Variants in TSBP1 observed in about 807,000 individuals in gnomAD.
The protein encoded by TSBP1 is testis expressed basic protein 1, also known as testis-expressed basic protein 1.
A neutral mutation model predicts 68.8 loss-of-function variants in TSBP1; 56 were observed. That is an observed-to-expected ratio of 0.81 (90% CI 0.66 to 1.02). The LOEUF (loss-of-function observed/expected upper bound fraction) is 1.02, where lower values mean the gene tolerates loss of function less well. Among genes scored for constraint, TSBP1 ranks in the 50% least tolerant of loss-of-function variants. The pLI, the probability that TSBP1 is intolerant of heterozygous loss-of-function variation, is 0.00. For missense variants in TSBP1, 502 were observed against 641.2 expected (o/e 0.78, Z 2.34); for synonymous variants, 171 against 208.7 (o/e 0.82, Z 1.56).
rs73396970 is a variant in TSBP1 at position 32,353,037 on chromosome 6, G to C, written c.259+2087C>G. 47 of 151,940 alleles carry C rather than the reference G, an allele frequency of 3.1e-4. 1 individual carries two copies. The highest frequency in any genetic ancestry group is 1.1e-3 in the African/African-American group (46 of 41,514). The allele number at this position is 151,940 out of a possible 1,614,324, so 9.4% of individuals were successfully genotyped here. Reference sequence around the variant, plus strand: ...GGAAATTGATTAAGAGTTTCATACAGCAAGCTAGAAAAAGGAACAAAAATA... The same window carrying C: ...GGAAATTGATTAAGAGTTTCATACACCAAGCTAGAAAAAGGAACAAAAATA... On this transcript the variant is annotated intron_variant, in intron 8 of 22. Transcript: ENST00000612031.
Position 32,357,841 on chromosome 6 carries a change from GT to G in TSBP1, c.218-2173del, listed in dbSNP as rs1378663518. The stretch of plus-strand genomic sequence containing the variant: ...GGCTTGGGTTTTAGACATGCTAAGA[GT>G]GAGATGCCTTTCATATATCTTCAGG... On this transcript the variant is annotated intron_variant, in intron 6 of 22. Coordinates refer to ENST00000612031, the Ensembl canonical transcript of TSBP1. This position sits in a 1 kb window ranked among gnomAD's most constrained non-coding sequence, Gnocchi z 4.7. Among the ~76,000 whole-genome samples, 2 of 86,102 alleles carry G rather than the reference GT, an allele frequency of 2.3e-5. No individual in the cohort carries two copies. Among genetic ancestry groups the G allele is most frequent in the Non-Finnish European group, 4.4e-5 (2 of 44,966 alleles). 56.5% of individuals were successfully genotyped at this position (86,102 alleles called of 152,430 possible).
At chr6:32,334,895 G>A (rs1265756) in intron 14 of TSBP1, among the ~76,000 whole-genome samples, 19,803 of 152,088 alleles carry the variant, frequency 0.13, 1,490 homozygotes, top group Non-Finnish European at 0.17. Flanking sequence ...TTAGCCGGGC[G>A]TGGTGGTGGG....
chr6:32,330,049 C>T (rs185816166), intron 16 of TSBP1, among the ~76,000 whole-genome samples: 39 of 152,220 alleles, frequency 2.6e-4, no homozygotes, highest in Admixed American at 2.1e-3. Context: ...TGTGCGCGCG[C>T]GCACGTGTGT....
Position 32,325,840 on chromosome 6 carries a change from G to C in TSBP1, c.515-2226C>G. On this transcript the variant is annotated intron_variant, in intron 16 of 22. Coordinates refer to ENST00000612031, the Ensembl canonical transcript of TSBP1. The surrounding 1 kb of genome is among the most constrained non-coding windows in gnomAD (Gnocchi z 4.4). ...AAACTTAGGTGGTGGTCATGGAGGTGGTTTCGGTGGGAATGACAACTTTGA... is the reference window on the plus strand; with the variant it reads ...AAACTTAGGTGGTGGTCATGGAGGTCGTTTCGGTGGGAATGACAACTTTGA... 1 of 1,352,376 alleles carries C rather than the reference G, an allele frequency of 7.4e-7. No homozygotes were observed. The highest frequency in any genetic ancestry group is 1.2e-5 in the South Asian group (1 of 85,750). 83.8% of individuals were successfully genotyped at this position (1,352,376 alleles called of 1,614,324 possible). A position where few individuals can be genotyped will look rare whatever the true frequency, so the allele number is the denominator to read the frequency against.
In TSBP1 at chr6:32,315,867, G is replaced by T. The variant is rs1294961131; in HGVS notation, c.560-75C>A. 6.1e-6 allele frequency: 6 copies of T among 991,346 alleles called. No homozygotes were observed. In the African/African-American group the frequency reaches 6.5e-5, roughly 11 times the overall value. The allele number at this position is 991,346 out of a possible 1,614,324, so 61.4% of individuals were successfully genotyped here. A position where few individuals can be genotyped will look rare whatever the true frequency, so the allele number is the denominator to read the frequency against. On this transcript the variant is annotated intron_variant, in intron 18 of 22. Coordinates refer to ENST00000612031, the Ensembl canonical transcript of TSBP1. This position sits in a 1 kb window ranked among gnomAD's most constrained non-coding sequence, Gnocchi z 5.4. Reference sequence around the variant, plus strand: ...AACATAGCATTATCTAACATATTTTGTTGGAGTCTGTGAGGGGAGGACTTG... The same window carrying T: ...AACATAGCATTATCTAACATATTTTTTTGGAGTCTGTGAGGGGAGGACTTG...
intron 9 of TSBP1, among the ~76,000 whole-genome samples, chr6:32,344,372 G>A (rs912836579): frequency 6.1e-5 from 9 of 148,338 alleles, no homozygotes; most frequent in African/African-American, 2.2e-4. Context: ...CTAAAGCCCT[G>A]TGTTCTTGGG....
rs1765614108 is a variant in TSBP1, at chr6:32,304,688, A to G, written c.581-2059T>C. Among the ~76,000 whole-genome samples, 1 of 152,054 alleles carries G rather than the reference A, an allele frequency of 6.6e-6. No individual in the cohort carries two copies. The highest frequency in any genetic ancestry group is 2.4e-5 in the African/African-American group (1 of 41,410). On this transcript the variant is annotated intron_variant, in intron 19 of 22. Transcript: ENST00000612031. This position sits in a 1 kb window ranked among gnomAD's most constrained non-coding sequence, Gnocchi z 4.8. ...TCTTCATCGTCTTTTTTGTCTTTTC[A>G]TGTTTTCTCTTCCTTTCAAATCTCT...
At chr6:32,294,621 C>A (rs1457271384) in intron 22 of TSBP1, among the ~76,000 whole-genome samples, 1 of 152,132 alleles carries the variant, frequency 6.6e-6, no homozygotes, top group Admixed American at 6.5e-5. Flanking sequence ...GAAACTGAGG[C>A]ACAGAATACT....
chr6:32,358,166 C>T (rs1347255999), intron 6 of TSBP1, among the ~76,000 whole-genome samples: 1 of 152,114 alleles, frequency 6.6e-6, no homozygotes, highest in African/African-American at 2.4e-5. Context: ...TGTTAATTCT[C>T]CTCCCTTCTT....
intron 8 of TSBP1, among the ~76,000 whole-genome samples, chr6:32,353,356 C>CA (rs1283692925): frequency 2.6e-5 from 4 of 151,810 alleles, no homozygotes; most frequent in African/African-American, 9.7e-5. Context: ...AAACAAAAAA[C>CA]AAGTATGTGT....
rs997435479 is a variant in TSBP1, at chr6:32,333,964, A to G, written c.472+1473T>C. The G allele has an allele frequency of 1.1e-5, 3 of 280,542 alleles. No homozygotes were observed. The highest frequency in any genetic ancestry group is 4.6e-5 in the African/African-American group (2 of 43,780). 17.4% of individuals were successfully genotyped at this position (280,542 alleles called of 1,614,324 possible). A position where few individuals can be genotyped will look rare whatever the true frequency, so the allele number is the denominator to read the frequency against. ...TAAACCAGTTACACATTTAGATATTATGCTAACTTAATAGTTGCTTTGCCT... is the reference window on the plus strand; with the variant it reads ...TAAACCAGTTACACATTTAGATATTGTGCTAACTTAATAGTTGCTTTGCCT... On this transcript the variant is annotated intron_variant, in intron 14 of 22. Coordinates refer to ENST00000612031, the Ensembl canonical transcript of TSBP1. This position sits in a 1 kb window ranked among gnomAD's most constrained non-coding sequence, Gnocchi z 4.2.
In TSBP1 at chr6:32,325,215, C is replaced by T. The variant is rs934751534; in HGVS notation, c.515-1601G>A. 5 of 659,820 alleles carry T rather than the reference C, an allele frequency of 7.6e-6. No individual in the cohort carries two copies. Among genetic ancestry groups the T allele is most frequent in the East Asian group, 2.6e-5 (1 of 38,880 alleles). 40.9% of individuals were successfully genotyped at this position (659,820 alleles called of 1,614,324 possible). A position where few individuals can be genotyped will look rare whatever the true frequency, so the allele number is the denominator to read the frequency against. ...TCATTAAAGTCTCTCTTCTCCTGGC[C>T]GTCTTATCTAAGTCAGAGTCTCCTA... On this transcript the variant is annotated intron_variant, in intron 16 of 22. Transcript: ENST00000612031. The surrounding 1 kb of genome is among the most constrained non-coding windows in gnomAD (Gnocchi z 4.4).
chr6:32,333,959 A>T lies in TSBP1; in HGVS notation c.472+1478T>A. On this transcript the variant is annotated intron_variant, in intron 14 of 22. Transcript: ENST00000612031. The surrounding 1 kb of genome is among the most constrained non-coding windows in gnomAD (Gnocchi z 4.2). The stretch of plus-strand genomic sequence containing the variant: ...AGCAGTAAACCAGTTACACATTTAG[A>T]TATTATGCTAACTTAATAGTTGCTT... 1 of 275,374 alleles carries T rather than the reference A, an allele frequency of 3.6e-6. No individual in the cohort carries two copies. Among genetic ancestry groups the T allele is most frequent in the Non-Finnish European group, 7.5e-6 (1 of 134,068 alleles). 17.1% of individuals were successfully genotyped at this position (275,374 alleles called of 1,614,324 possible).
rs1315425672 is a variant in TSBP1, at chr6:32,343,212, A to G, written c.350-3574T>C. The G allele has an allele frequency of 1.5e-6, 2 of 1,359,076 alleles. No individual in the cohort carries two copies. Among genetic ancestry groups the G allele is most frequent in the Admixed American group, 6.4e-5 (2 of 31,228 alleles). The allele number at this position is 1,359,076 out of a possible 1,614,324, so 84.2% of individuals were successfully genotyped here. On this transcript the variant is annotated intron_variant, in intron 9 of 22. Transcript: ENST00000612031. This position sits in a 1 kb window ranked among gnomAD's most constrained non-coding sequence, Gnocchi z 4.3. ...TAGCATAGGAGCCCAACAACACCAG[A>G]GTTTGAAACAAGAAGATAAACTTAC... is the stretch of plus-strand genomic sequence containing the variant.
chr6:32,339,767 A>G, intron 9 of TSBP1, 129 bp from the exon 11 acceptor site: 1 of 501,394 alleles, frequency 2.0e-6, no homozygotes, highest in South Asian at 3.2e-5. Context: ...TAAAGAGCTG[A>G]GTCCGACTTT....
At position 32,308,414 on chromosome 6, in the gene TSBP1, C is replaced by T. The variant is rs1013010209; in HGVS notation, c.581-5785G>A. Among the ~76,000 whole-genome samples, 6 of 150,698 alleles carry T rather than the reference C, an allele frequency of 4.0e-5. No homozygotes were observed. The East Asian group carries it at 5.9e-4, about 15-fold the overall frequency. On this transcript the variant is annotated intron_variant, in intron 19 of 22. Coordinates refer to ENST00000612031, the Ensembl canonical transcript of TSBP1. ...GAGATCGAGACCATCCCGGCTAAAA[C>T]GGTGAAACCCCGTCTCTACTAAAAA...
In TSBP1 at chr6:32,357,589, G is replaced by A. The variant is rs1270713475; in HGVS notation, c.218-1920C>T. Among the ~76,000 whole-genome samples, 1 of 152,162 alleles carries A rather than the reference G, an allele frequency of 6.6e-6. No individual in the cohort carries two copies. The highest frequency in any genetic ancestry group is 2.4e-5 in the African/African-American group (1 of 41,434). On this transcript the variant is annotated intron_variant, in intron 6 of 22. Transcript: ENST00000612031. The surrounding 1 kb of genome is among the most constrained non-coding windows in gnomAD (Gnocchi z 4.7). ...AATAGACTATAAGAAGGCAAGAGGA[G>A]TATCAAGGAAACAAGGTAGGAGGCA...
intron 19 of TSBP1, among the ~76,000 whole-genome samples, chr6:32,312,382 C>T (rs1183733014): frequency 1.3e-5 from 2 of 152,086 alleles, no homozygotes; most frequent in Non-Finnish European, 2.9e-5. Flanking sequence ...ATTTCTCCTC[C>T]CCATTCTGAG....
At chr6:32,297,800 T>C (rs1255954795) in intron 22 of TSBP1, among the ~76,000 whole-genome samples, 4 of 152,132 alleles carry the variant, frequency 2.6e-5, no homozygotes, top group Non-Finnish European at 5.9e-5. Flanking sequence ...GGCTCACACC[T>C]GTAATCCTAG....
Sources: allele counts gnomAD v4.1 joint callset (sites outside exome capture counted in the v4.1 genomes callset), GRCh38; gene constraint gnomAD v4.1.1; non-coding constraint Gnocchi (gnomAD v3.1); transcripts MANE v1.5; gene names NCBI Gene and HGNC (gene_info 2026-07-23, HGNC 2026-07-21).